SLC7A11: variants seen among roughly 807,000 people sequenced by gnomAD.
SLC7A11 encodes the protein cystine/glutamate transporter.
A neutral mutation model predicts 54.5 loss-of-function variants in SLC7A11; 35 were observed. That is an observed-to-expected ratio of 0.64 (90% CI 0.49 to 0.85). The LOEUF (loss-of-function observed/expected upper bound fraction) is 0.85. SLC7A11 is among the 40% of genes least tolerant of loss of function. The pLI is 0.00. For synonymous variants in SLC7A11, 230 were observed against 225.2 expected (o/e 1.02, Z -0.19); for missense variants, 583 against 618.1 (o/e 0.94, Z 0.60).
At chr4:138,228,291 C>T (rs909364072) in intron 3 of SLC7A11, among the ~76,000 whole-genome samples, 3 of 151,452 alleles carry the variant, frequency 2.0e-5, no homozygotes, top group South Asian at 2.1e-4. Flanking sequence ...GACTAGATCT[C>T]GTATCTTAAG....
intron 6 of SLC7A11, among the ~76,000 whole-genome samples, chr4:138,207,387 G>A (rs1309635888): frequency 6.6e-6 from 1 of 152,010 alleles, no homozygotes; most frequent in Non-Finnish European, 1.5e-5. Context: ...TGCATATAAA[G>A]AGGAATATTT....
intron 7 of SLC7A11, 120 bp from the exon 8 acceptor site, chr4:138,183,425 T>C: frequency 1.5e-6 from 1 of 677,852 alleles, no homozygotes; most frequent in Non-Finnish European, 2.6e-6. Context: ...GTATGTTTTA[T>C]AATTTCTCTC....
chr4:138,223,067 G>C (rs1737854524), intron 4 of SLC7A11, 132 bp downstream of exon 4: 1 of 750,786 alleles, frequency 1.3e-6, no homozygotes, highest in South Asian at 2.2e-5. Context: ...AAATCAATTA[G>C]ATGACAATAT....
At chr4:138,230,413 TAA>T (rs5862372) in intron 3 of SLC7A11, among the ~76,000 whole-genome samples, 16 of 141,454 alleles carry the variant, frequency 1.1e-4, no homozygotes, top group African/African-American at 3.1e-4. Flanking sequence ...AAATGAAAGC[TAA>T]AAAAAAAAAA....
rs10659044 is a variant in SLC7A11, at chr4:138,206,381, T to TTATATATATA, written c.791+8194_791+8203dup. On this transcript the variant is annotated intron_variant, in intron 6 of 11. Coordinates refer to ENST00000280612, the MANE Select transcript of SLC7A11 (RefSeq NM_014331.4). ...CTCAAAATATAAAACTCAATGAGAT[T>TTATATATATA]TATATATATATATATATATAGCCTC... Among the ~76,000 whole-genome samples the TTATATATATA allele has an allele frequency of 7.6e-5, 11 of 145,252 alleles. No homozygotes were observed. The South Asian group carries it at 1.3e-3, about 17-fold the overall frequency.
chr4:138,209,716 A>G (rs574460045), intron 6 of SLC7A11, among the ~76,000 whole-genome samples: 22 of 152,176 alleles, frequency 1.4e-4, no homozygotes, highest in Admixed American at 2.6e-4. Flanking sequence ...AAGGAGAGCT[A>G]TAAAACATTG....
At chr4:138,219,213 A>C in intron 5 of SLC7A11, 53 bp downstream of exon 5, 1 of 1,003,198 alleles carries the variant, frequency 1.0e-6, no homozygotes, top group Non-Finnish European at 1.6e-6. Context: ...ATCTGAGTGC[A>C]TAATGGGATT....
Position 138,219,366 on chromosome 4 carries a change from C to G in SLC7A11, c.647-1G>C. ...GCGTCTTTAAAGTTCTGCGTTTGAC[C>G]TGTAATTAGAATAGACTGATTTTAG... On this transcript the variant is annotated splice_acceptor_variant, in intron 4 of 11. Transcript: ENST00000280612. LOFTEE classifies it high-confidence loss of function. 1.3e-6 allele frequency: 2 copies of G among 1,566,186 alleles called. No individual in the cohort carries two copies. The highest frequency in any genetic ancestry group is 1.8e-6 in the Non-Finnish European group (2 of 1,136,802).
rs1335617330 is a variant in SLC7A11 at position 138,166,537 on chromosome 4, C to G, written c.*5419G>C. 6.6e-6 allele frequency: 1 copy of G among 152,466 alleles called. No homozygotes were observed. The highest frequency in any genetic ancestry group is 2.1e-4 in the South Asian group (1 of 4,820). The allele number at this position is 152,466 out of a possible 1,614,324, so 9.4% of individuals were successfully genotyped here. ...TACATTAATTCACTTGAAAGTCATA[C>G]TTTTAAAAAAAATCAGTAGTGTATA... On this transcript the variant is annotated 3_prime_UTR_variant, in exon 12 of 12. Transcript: ENST00000280612.
At position 138,241,892 on chromosome 4, in the gene SLC7A11, C is replaced by T. The variant is rs1226803152; in HGVS notation, c.178G>A (p.Ala60Thr). The T allele has an allele frequency of 4.3e-6, 7 of 1,614,072 alleles. No individual in the cohort carries two copies. The highest frequency in any genetic ancestry group is 2.2e-5 in the East Asian group (1 of 44,860). ...CCCTTAGGAGAGATGAAGATTCCTG[C>T]TCCAATGATGGTGCCAATGATAATG... ...VSIIIGTIIG[A>T]GIFISPKGVL... Residue 60 changes from alanine to threonine, a missense_variant, in exon 1 of 12, where the codon GCA (alanine) becomes ACA (threonine). Coordinates refer to ENST00000280612, the MANE Select transcript of SLC7A11 (RefSeq NM_014331.4).
At chr4:138,191,033 T>G (rs1479869465) in intron 6 of SLC7A11, among the ~76,000 whole-genome samples, 1 of 152,146 alleles carries the variant, frequency 6.6e-6, no homozygotes, top group Non-Finnish European at 1.5e-5. Context: ...ATGAAATGTA[T>G]TTGAAGAGAC....
At chr4:138,224,603 C>CA (rs959239115) in intron 3 of SLC7A11, among the ~76,000 whole-genome samples, 1 of 151,442 alleles carries the variant, frequency 6.6e-6, no homozygotes, top group Non-Finnish European at 1.5e-5. Context: ...TCTTTAAAGG[C>CA]AAAAAAATGG....
intron 11 of SLC7A11, chr4:138,177,129 TC>T (rs2148408944): frequency 6.6e-6 from 1 of 152,220 alleles, no homozygotes; most frequent in South Asian, 2.1e-4. Context: ...TTAATAAAAC[TC>T]TGCTTTAAAG....
At chr4:138,219,469 A>G in intron 4 of SLC7A11, 104 bp from the exon 5 acceptor site, 1 of 675,658 alleles carries the variant, frequency 1.5e-6, no homozygotes. Flanking sequence ...TTGTAAGTCT[A>G]GATTTCTTAC....
chr4:138,220,197 C>G (rs963762325), intron 4 of SLC7A11, among the ~76,000 whole-genome samples: 1 of 151,964 alleles, frequency 6.6e-6, no homozygotes, highest in African/African-American at 2.4e-5. Flanking sequence ...CTCGGCCTCC[C>G]AAAGTGTTAG....
At chr4:138,200,574 T>C (rs1737252956) in intron 6 of SLC7A11, among the ~76,000 whole-genome samples, 1 of 152,132 alleles carries the variant, frequency 6.6e-6, no homozygotes, top group Non-Finnish European at 1.5e-5. Context: ...TAGCCATCTT[T>C]CTTAGATTTC....
intron 11 of SLC7A11, chr4:138,178,284 C>T (rs1736632028): frequency 6.6e-6 from 1 of 152,148 alleles, no homozygotes; most frequent in Non-Finnish European, 1.5e-5. Context: ...CTTCCAGCTT[C>T]ATCTATGTCC....
intron 4 of SLC7A11, among the ~76,000 whole-genome samples, chr4:138,220,782 G>A (rs114714281): frequency 0.013 from 2,006 of 152,294 alleles, 27 homozygotes; most frequent in Non-Finnish European, 0.021. Flanking sequence ...ACAGGGGGTG[G>A]ATGATGTGTA....
rs1333287678 is a variant in SLC7A11 at position 138,171,591 on chromosome 4, A to C, written c.*365T>G. On this transcript the variant is annotated 3_prime_UTR_variant, in exon 12 of 12. Coordinates refer to ENST00000280612, the MANE Select transcript of SLC7A11 (RefSeq NM_014331.4). ...TAGTGTGTAAAACCATCTTTACAAA[A>C]CCCATATATACAGAAAAATCTCAGT... The C allele has an allele frequency of 4.9e-6, 1 of 205,750 alleles. No homozygotes were observed. Among genetic ancestry groups the C allele is most frequent in the East Asian group, 1.6e-4 (1 of 6,304 alleles). 12.7% of individuals were successfully genotyped at this position (205,750 alleles called of 1,614,324 possible).
Sources: gnomAD v4.1 joint callset for allele counts (sites outside exome capture counted in the v4.1 genomes callset) on GRCh38, gnomAD v4.1.1 for gene constraint, MANE v1.5 for transcripts, NCBI Gene and HGNC (gene_info 2026-07-23, HGNC 2026-07-21) for gene names.